MPRIP: variants seen among roughly 807,000 people sequenced by gnomAD.
MPRIP encodes myosin phosphatase Rho-interacting protein.
In MPRIP, 59 loss-of-function variants were observed where a neutral mutation model predicts 234.9. The observed-to-expected ratio is 0.25, with a 90% CI of 0.20 to 0.31. The LOEUF (loss-of-function observed/expected upper bound fraction) is 0.31, where lower values mean the gene tolerates loss of function less well. Ranked by LOEUF, MPRIP falls within the 10% of genes least tolerant of loss-of-function variation. The pLI is 1.00. For missense variants in MPRIP, 2,436 were observed against 3,071.0 expected (o/e 0.79, Z 4.89); for synonymous variants, 1,144 against 1,263.9 (o/e 0.91, Z 2.01).
At chr17:17,135,828 C>T (rs2090684380) in intron 5 of MPRIP, among the ~76,000 whole-genome samples, 1 of 152,236 alleles carries the variant, frequency 6.6e-6, no homozygotes, top group South Asian at 2.1e-4. Context: ...CTCTTTCCTT[C>T]ACATAGCGTC....
At chr17:17,105,577 TGGCCACTGAGTCA>T (rs1357949803) in intron 3 of MPRIP, among the ~76,000 whole-genome samples, 1 of 152,182 alleles carries the variant, frequency 6.6e-6, no homozygotes, top group Non-Finnish European at 1.5e-5. Context: ...ATGGGTCCCT[TGGCCACTGAGTCA>T]GGCCACTGAG....
At chr17:17,080,075 G>A (rs1383325660) in intron 3 of MPRIP, among the ~76,000 whole-genome samples, 2 of 152,254 alleles carry the variant, frequency 1.3e-5, no homozygotes, top group African/African-American at 4.8e-5. Flanking sequence ...AGAGCTGGGA[G>A]TTTTGGGCCA....
intron 7 of MPRIP, 86 bp from the exon 8 acceptor site, chr17:17,142,530 TCAGGCCCGGGC>T: frequency 3.5e-6 from 5 of 1,443,388 alleles, no homozygotes; most frequent in Non-Finnish European, 3.8e-6. Flanking sequence ...CTGAGGGGAA[TCAGGCCCGGGC>T]CAGGCCGGGC....
In MPRIP at chr17:17,167,748, T is replaced by A; in HGVS notation, c.6157T>A (p.Trp2053Arg). ...PKALPAPAPN[W>R]QATQGEADSM... ...GGCCCTGCCAGCCCCTGCCCCCAAC[T>A]GGCAGGCCACCCAGGGAGAGGCTGA... is the stretch of plus-strand genomic sequence containing the variant. Residue 2053 changes from tryptophan to arginine, a missense_variant, in exon 16 of 24, where the codon TGG becomes AGG. Physicochemically the swap from Trp to Arg is moderately radical, Grantham distance 101. Coordinates refer to ENST00000651222, the MANE Select transcript of MPRIP (RefSeq NM_001364716.4). The surrounding 1 kb of genome is among the most constrained non-coding windows in gnomAD (Gnocchi z 5.9). 1 of 1,303,946 alleles carries A rather than the reference T, an allele frequency of 7.7e-7. No homozygotes were observed. The highest frequency in any genetic ancestry group is 1.0e-6 in the Non-Finnish European group (1 of 988,844). 80.8% of individuals were successfully genotyped at this position (1,303,946 alleles called of 1,614,324 possible). A position where few individuals can be genotyped will look rare whatever the true frequency, so the allele number is the denominator to read the frequency against.
At chr17:17,086,200 G>A (rs1047593327) in intron 3 of MPRIP, among the ~76,000 whole-genome samples, 2 of 152,158 alleles carry the variant, frequency 1.3e-5, no homozygotes, top group Non-Finnish European at 2.9e-5. Flanking sequence ...AAGCGGCTGG[G>A]TCCGGAGCAC....
rs574098965 is a variant in MPRIP at position 17,186,157 on chromosome 17, T to G, written c.*1263T>G. On this transcript the variant is annotated 3_prime_UTR_variant, in exon 24 of 24. Transcript: ENST00000651222. Reference sequence around the variant, plus strand: ...GCTGGTGGAACAGGTTCTGCTACTTTAGGAGCAAGGTGGGGTGTGAGTAGA... The same window carrying G: ...GCTGGTGGAACAGGTTCTGCTACTTGAGGAGCAAGGTGGGGTGTGAGTAGA... The G allele has an allele frequency of 3.3e-5, 5 of 152,282 alleles. No individual in the cohort carries two copies. The highest frequency in any genetic ancestry group is 1.2e-4 in the African/African-American group (5 of 41,412). 9.4% of individuals were successfully genotyped at this position (152,282 alleles called of 1,614,324 possible).
Position 17,167,011 on chromosome 17 carries a change from A to T in MPRIP, c.5420A>T (p.Glu1807Val). The change falls in exon 16 of 24, where the codon GAA becomes GTA. Residue 1807 changes from glutamate to valine, a missense_variant. Physicochemically the swap from Glu to Val is moderately radical, Grantham distance 121. Coordinates refer to ENST00000651222, the MANE Select transcript of MPRIP (RefSeq NM_001364716.4). The surrounding 1 kb of genome is among the most constrained non-coding windows in gnomAD (Gnocchi z 5.9). ...GCCTTACCATCTCTGCCACCTGTGG[A>T]ATCGCTGAGAGATTGCCAGAAGCTT... The part of the protein sequence containing the change: ...AAALPSLPPV[E>V]SLRDCQKLLQ... 1 of 1,304,242 alleles carries T rather than the reference A, an allele frequency of 7.7e-7. No homozygotes were observed. The highest frequency in any genetic ancestry group is 1.0e-6 in the Non-Finnish European group (1 of 988,946). 80.8% of individuals were successfully genotyped at this position (1,304,242 alleles called of 1,614,324 possible).
Position 17,126,768 on chromosome 17 carries a change from C to A in MPRIP, c.334C>A (p.Arg112Ser). Reference sequence around the variant, plus strand: ...CACAGATGTGGTGGATGGGGAGGGCCGCACGGGCCAGAAGTTCTCCCTGTG... The same window carrying A: ...CACAGATGTGGTGGATGGGGAGGGCAGCACGGGCCAGAAGTTCTCCCTGTG... ...QCTDVVDGEG[R>S]TGQKFSLCIL... is the part of the protein sequence containing the mutation. Residue 112 changes from arginine to serine, a missense_variant, in exon 4 of 24, where the codon CGC (arginine) becomes AGC (serine). Coordinates refer to ENST00000651222, the MANE Select transcript of MPRIP (RefSeq NM_001364716.4). 6.2e-7 allele frequency: 1 copy of A among 1,614,170 alleles called. No homozygotes were observed. The highest frequency in any genetic ancestry group is 1.7e-4 in the Middle Eastern group (1 of 6,060).
chr17:17,172,834 C>T lies in MPRIP; in HGVS notation c.6590+19C>T, dbSNP rs569769501. The T allele has an allele frequency of 4.4e-6, 7 of 1,602,654 alleles. No individual in the cohort carries two copies. In the East Asian group the frequency reaches 1.3e-4, roughly 31 times the overall value. The stretch of plus-strand genomic sequence containing the variant: ...AGTACCTGTAAGTGGCTGGGCCTGC[C>T]CATCTGCCCTTGGGAGGGCCCCTCT... On this transcript the variant is annotated intron_variant, in intron 18 of 23. Coordinates refer to ENST00000651222, the MANE Select transcript of MPRIP (RefSeq NM_001364716.4).
In MPRIP at chr17:17,088,905, C is replaced by T. The variant is rs1462384079; in HGVS notation, c.267+10829C>T. On this transcript the variant is annotated intron_variant, in intron 3 of 23. Transcript: ENST00000651222. ...TATGGTGGGGAAAACTCTCTGAACC[C>T]GGGGAGCAGTTGCACTGGTGGGATC... 5.3e-5 allele frequency among the ~76,000 whole-genome samples: 8 copies of T among 152,296 alleles called. No individual in the cohort carries two copies. The East Asian group carries it at 7.7e-4, about 15-fold the overall frequency.
chr17:17,133,461 A>G (rs993954480), intron 5 of MPRIP, among the ~76,000 whole-genome samples: 2 of 152,186 alleles, frequency 1.3e-5, no homozygotes, highest in South Asian at 2.1e-4. Flanking sequence ...GCCTGATGCT[A>G]AAGGCATTCT....
chr17:17,129,864 T>C (rs914438975), intron 4 of MPRIP, among the ~76,000 whole-genome samples: 2 of 152,186 alleles, frequency 1.3e-5, no homozygotes, highest in Non-Finnish European at 2.9e-5. Context: ...TCAGAAGAAG[T>C]GGCAGCTGCC....
At chr17:17,057,728 A>C (rs1425020388) in intron 1 of MPRIP, 1 of 717,662 alleles carries the variant, frequency 1.4e-6, no homozygotes, top group Admixed American at 2.0e-5. Context: ...GAATGGCATC[A>C]GCTATGAGAC....
At chr17:17,174,564 C>T (rs759681246) in intron 19 of MPRIP, among the ~76,000 whole-genome samples, 5 of 152,104 alleles carry the variant, frequency 3.3e-5, no homozygotes, top group Non-Finnish European at 4.4e-5. Context: ...TGTCCGGGCG[C>T]GGTGGCTCAC....
At chr17:17,133,090 A>C (rs1029169884) in intron 5 of MPRIP, among the ~76,000 whole-genome samples, 15 of 152,108 alleles carry the variant, frequency 9.9e-5, no homozygotes, top group African/African-American at 3.6e-4. Flanking sequence ...CATGACACCC[A>C]GCTCCCCAAA....
chr17:17,156,816 C>T (rs535229928), intron 13 of MPRIP, among the ~76,000 whole-genome samples: 1 of 152,338 alleles, frequency 6.6e-6, no homozygotes, highest in South Asian at 2.1e-4. Flanking sequence ...CAGATGTTAG[C>T]GTGCTCTTAC....
intron 3 of MPRIP, among the ~76,000 whole-genome samples, chr17:17,083,624 C>G (rs971988862): frequency 6.6e-6 from 1 of 152,200 alleles, no homozygotes; most frequent in Non-Finnish European, 1.5e-5. Flanking sequence ...CCGCCCAGTT[C>G]CCATTGCTCC....
chr17:17,148,216 C>T (rs1026649863), intron 11 of MPRIP, among the ~76,000 whole-genome samples: 1 of 152,238 alleles, frequency 6.6e-6, no homozygotes, highest in South Asian at 2.1e-4. Context: ...TGGTGTCCAG[C>T]GTTGGGGAAG....
chr17:17,069,642 A>C (rs1284786312), intron 1 of MPRIP, among the ~76,000 whole-genome samples: 2 of 149,824 alleles, frequency 1.3e-5, no homozygotes, highest in Non-Finnish European at 3.0e-5. Context: ...AACTTGTCAC[A>C]GTCTCTTGGT....
Sources: gnomAD v4.1 joint callset for allele counts (sites outside exome capture counted in the v4.1 genomes callset) on GRCh38, gnomAD v4.1.1 for gene constraint, Gnocchi (gnomAD v3.1) non-coding constraint, MANE v1.5 for transcripts, NCBI Gene and HGNC (gene_info 2026-07-23, HGNC 2026-07-21) for gene names.